The following PDE4D variants were observed in gnomAD, a reference collection of about 807,000 sequenced individuals.
The protein encoded by PDE4D is 3',5'-cyclic-AMP phosphodiesterase 4D.
In PDE4D, 24 loss-of-function variants were observed where a neutral mutation model predicts 87.4. The observed-to-expected ratio is 0.27, with a 90% confidence interval of 0.20 to 0.39. The LOEUF is 0.39. Ranked by LOEUF, PDE4D falls within the 10% of genes least tolerant of loss-of-function variation. PDE4D has a pLI of 1.00. For synonymous variants in PDE4D, 384 were observed against 383.2 expected (o/e 1.00, Z -0.02); for missense variants, 714 against 1,041.0 (o/e 0.69, Z 4.32).
chr5:59,498,329 T>C (rs367796195), intron 1 of PDE4D, among the ~76,000 whole-genome samples: 13 of 151,168 alleles, frequency 8.6e-5, no homozygotes, highest in African/African-American at 3.2e-4. Flanking sequence ...CATATCAATA[T>C]TAACTTTTGC....
chr5:60,378,506 T>A (rs1174464078), intron 1 of PDE4D, among the ~76,000 whole-genome samples: 1 of 152,064 alleles, frequency 6.6e-6, no homozygotes, highest in East Asian at 1.9e-4. Context: ...CCCTCAGTAA[T>A]CTAGGAACCA....
At chr5:60,474,105 CATATAT>C (rs1158022321) in intron 1 of PDE4D, among the ~76,000 whole-genome samples, 412 of 30,980 alleles carry the variant, frequency 0.013, 8 homozygotes, top group Non-Finnish European at 0.021. Context: ...TTTGAGCTGC[CATATAT>C]ATATATATAT....
chr5:59,265,541 T>C (rs1247963594), intron 1 of PDE4D, among the ~76,000 whole-genome samples: 3 of 152,108 alleles, frequency 2.0e-5, no homozygotes, highest in Non-Finnish European at 4.4e-5. Context: ...GTCATACCAA[T>C]GTGTAAACTT....
At chr5:59,481,601 G>A (rs898019315) in intron 1 of PDE4D, among the ~76,000 whole-genome samples, 1 of 152,028 alleles carries the variant, frequency 6.6e-6, no homozygotes, top group African/African-American at 2.4e-5. Context: ...CTGCTCCAGC[G>A]GTAGAGTTTT....
chr5:60,337,351 C>CAATATATATATA (rs1491477498), intron 1 of PDE4D, among the ~76,000 whole-genome samples: 2 of 62,230 alleles, frequency 3.2e-5, no homozygotes, highest in African/African-American at 9.8e-5. Flanking sequence ...AACAAACAAA[C>CAATATATATATA]TATATATATA....
chr5:59,331,254 T>C (rs1776676149), intron 1 of PDE4D, among the ~76,000 whole-genome samples: 1 of 152,224 alleles, frequency 6.6e-6, no homozygotes, highest in Non-Finnish European at 1.5e-5. Context: ...AATAGAAACT[T>C]ATGTTTTAAA....
chr5:59,106,088 A>C (rs1485395237), intron 5 of PDE4D, among the ~76,000 whole-genome samples: 3 of 152,214 alleles, frequency 2.0e-5, no homozygotes, highest in Non-Finnish European at 4.4e-5. Context: ...TGGGTTTCTC[A>C]AACTTAAGAC....
chr5:60,446,028 C>T (rs1334030459), intron 1 of PDE4D, among the ~76,000 whole-genome samples: 4 of 151,980 alleles, frequency 2.6e-5, no homozygotes, highest in Admixed American at 2.6e-4. Flanking sequence ...CATTGATAGG[C>T]AATTTGCAAA....
chr5:59,414,485 G>A (rs1345620886), intron 1 of PDE4D, among the ~76,000 whole-genome samples: 1 of 152,152 alleles, frequency 6.6e-6, no homozygotes, highest in African/African-American at 2.4e-5. Flanking sequence ...GCGAGCCAAG[G>A]CATGGAGACA....
intron 5 of PDE4D, among the ~76,000 whole-genome samples, chr5:59,121,301 C>T (rs944512449): frequency 2.0e-5 from 3 of 152,104 alleles, no homozygotes; most frequent in Non-Finnish European, 4.4e-5. Context: ...GCAAACTACT[C>T]ATCTGACAAG....
intron 1 of PDE4D, among the ~76,000 whole-genome samples, chr5:59,552,793 T>C (rs1030507734): frequency 6.6e-6 from 1 of 152,180 alleles, no homozygotes; most frequent in Non-Finnish European, 1.5e-5. Flanking sequence ...TTATTTGACA[T>C]GAGCATGAAT....
chr5:59,080,245 T>C (rs1488777728), intron 5 of PDE4D, among the ~76,000 whole-genome samples: 8 of 152,162 alleles, frequency 5.3e-5, no homozygotes, highest in African/African-American at 1.9e-4. Context: ...GGAGTGTGGA[T>C]TCTGCTTTGA....
chr5:59,073,011 T>G (rs1223243595), intron 5 of PDE4D, among the ~76,000 whole-genome samples: 1 of 152,196 alleles, frequency 6.6e-6, no homozygotes, highest in Non-Finnish European at 1.5e-5. Flanking sequence ...TTTACCAAAA[T>G]AAATACATTT....
In PDE4D at chr5:58,971,742, C is replaced by G. The variant is rs959603927; in HGVS notation, c.*2922G>C. 2 of 152,566 alleles carry G rather than the reference C, an allele frequency of 1.3e-5. No individual in the cohort carries two copies. Among genetic ancestry groups the G allele is most frequent in the South Asian group, 4.1e-4 (2 of 4,830 alleles). 9.5% of individuals were successfully genotyped at this position (152,566 alleles called of 1,614,324 possible). A position where few individuals can be genotyped will look rare whatever the true frequency, so the allele number is the denominator to read the frequency against. The stretch of plus-strand genomic sequence containing the variant: ...TGCACTGGTTTTACACAAACTTGGA[C>G]ATTTTTTTCCCCATACAGTACCCAG... On this transcript the variant is annotated 3_prime_UTR_variant, in exon 15 of 15. Coordinates refer to ENST00000340635, the MANE Select transcript of PDE4D (RefSeq NM_001104631.2).
intron 1 of PDE4D, among the ~76,000 whole-genome samples, chr5:60,475,309 C>T (rs35623551): frequency 1.2e-3 from 187 of 152,266 alleles, no homozygotes; most frequent in Non-Finnish European, 1.5e-3. Flanking sequence ...CCTAAAGTGG[C>T]TCTAGGCTTG....
At chr5:59,453,951 C>T (rs1452913763) in intron 1 of PDE4D, among the ~76,000 whole-genome samples, 1 of 152,176 alleles carries the variant, frequency 6.6e-6, no homozygotes, top group Non-Finnish European at 1.5e-5. Flanking sequence ...CAGGCTGATC[C>T]TCTTGTTAGG....
At chr5:60,088,840 T>G (rs115148945) in intron 2 of PDE4D, among the ~76,000 whole-genome samples, 42 of 152,152 alleles carry the variant, frequency 2.8e-4, no homozygotes, top group African/African-American at 9.9e-4. Context: ...ACCTTGAATA[T>G]AAATGAATTA....
intron 2 of PDE4D, among the ~76,000 whole-genome samples, chr5:60,022,190 C>T (rs943674291): frequency 6.6e-6 from 1 of 152,056 alleles, no homozygotes; most frequent in Non-Finnish European, 1.5e-5. Flanking sequence ...TTTTTTGTAG[C>T]TTTATTCTCC....
At chr5:59,356,995 A>T (rs747987909) in intron 1 of PDE4D, 447 of 968,756 alleles carry the variant, frequency 4.6e-4, no homozygotes, top group Non-Finnish European at 5.7e-4. Context: ...TGACAGAGAG[A>T]TGGCAGGCTG....
Sources: allele counts gnomAD v4.1 joint callset (sites outside exome capture counted in the v4.1 genomes callset), GRCh38; gene constraint gnomAD v4.1.1; transcripts MANE v1.5; gene names NCBI Gene and HGNC (gene_info 2026-07-23, HGNC 2026-07-21).